The following IL1RAPL1 variants were observed in gnomAD, a reference collection of about 807,000 sequenced individuals.
IL1RAPL1 encodes the protein interleukin 1 receptor accessory protein like 1, also known as interleukin-1 receptor accessory protein-like 1.
In IL1RAPL1, 3 loss-of-function variants were observed where a neutral mutation model predicts 48.4. The observed-to-expected ratio is 0.06, with a 90% CI of 0.03 to 0.16. The LOEUF is 0.16. Ranked by LOEUF, IL1RAPL1 falls within the 10% of genes least tolerant of loss-of-function variation. The probability of loss-of-function intolerance (pLI) is 1.00; values close to 1 mark genes in which losing one functional copy is unlikely to be tolerated. For synonymous variants in IL1RAPL1, 185 were observed against 187.7 expected (o/e 0.99, Z 0.12); for missense variants, 349 against 530.6 (o/e 0.66, Z 3.36).
intron 2 of IL1RAPL1, among the ~76,000 whole-genome samples, chrX:29,081,699 G>C (rs1927847511): frequency 9.0e-6 from 1 of 111,527 alleles, no homozygotes; most frequent in Non-Finnish European, 1.9e-5. Flanking sequence ...CTGTTTCAGA[G>C]AATGTACAAG....
chrX:28,776,573 T>C (rs886893758), intron 1 of IL1RAPL1, among the ~76,000 whole-genome samples: 1 of 111,994 alleles, frequency 8.9e-6, no homozygotes, highest in African/African-American at 3.2e-5. Context: ...AGGTTGAACA[T>C]TGGATATAGA....
intron 6 of IL1RAPL1, among the ~76,000 whole-genome samples, chrX:29,746,883 C>T (rs772054142): frequency 6.2e-5 from 7 of 112,566 alleles, no homozygotes; most frequent in Non-Finnish European, 1.1e-4. Flanking sequence ...GCTGGAATTA[C>T]AGGCGTGATC....
At chrX:28,925,164 T>C (rs185874478) in intron 2 of IL1RAPL1, among the ~76,000 whole-genome samples, 10 of 112,174 alleles carry the variant, frequency 8.9e-5, no homozygotes, top group African/African-American at 3.2e-4. Flanking sequence ...TTAAGTGTTA[T>C]GGAGTTTTAA....
intron 5 of IL1RAPL1, among the ~76,000 whole-genome samples, chrX:29,496,772 G>T (rs973498871): frequency 9.0e-6 from 1 of 111,356 alleles, no homozygotes; most frequent in Non-Finnish European, 1.9e-5. Context: ...CTTTTATTGG[G>T]AAAATGCTAA....
intron 6 of IL1RAPL1, among the ~76,000 whole-genome samples, chrX:29,766,327 C>CAAAAA (rs1220003136): frequency 1.5e-3 from 39 of 25,613 alleles, no homozygotes; most frequent in African/African-American, 8.0e-3. Flanking sequence ...GACTCCGTCT[C>CAAAAA]AAAAAAAAAA....
At chrX:29,534,908 G>A (rs1921170554) in intron 5 of IL1RAPL1, among the ~76,000 whole-genome samples, 1 of 108,566 alleles carries the variant, frequency 9.2e-6, no homozygotes, top group African/African-American at 3.4e-5. Flanking sequence ...GGCGGAGCTT[G>A]CAGTGAGCCG....
intron 2 of IL1RAPL1, among the ~76,000 whole-genome samples, chrX:28,843,703 A>G (rs1254203028): frequency 1.8e-5 from 2 of 112,029 alleles, no homozygotes; most frequent in Non-Finnish European, 3.8e-5. Context: ...AATTGACTGT[A>G]AGAGTTGCTA....
intron 2 of IL1RAPL1, among the ~76,000 whole-genome samples, chrX:29,089,926 G>C (rs1250814804): frequency 9.6e-6 from 1 of 103,899 alleles, no homozygotes; most frequent in Non-Finnish European, 2.0e-5. Flanking sequence ...CAAATTGTAG[G>C]GCTTCATTTC....
chrX:29,578,158 A>G (rs1922837926), intron 5 of IL1RAPL1, among the ~76,000 whole-genome samples: 1 of 111,776 alleles, frequency 8.9e-6, no homozygotes, highest in South Asian at 3.8e-4. Flanking sequence ...GAAATGGTTG[A>G]CCCTTTGGGA....
At chrX:29,366,460 A>C (rs1933456612) in intron 3 of IL1RAPL1, among the ~76,000 whole-genome samples, 1 of 110,222 alleles carries the variant, frequency 9.1e-6, no homozygotes, top group African/African-American at 3.3e-5. Context: ...CACAGGGATG[A>C]TTCAAATAGC....
chrX:29,108,051 A>G (rs929935779), intron 2 of IL1RAPL1, among the ~76,000 whole-genome samples: 2 of 111,939 alleles, frequency 1.8e-5, no homozygotes, highest in African/African-American at 6.5e-5. Flanking sequence ...AATAAACAGA[A>G]TGTTACCAGG....
At chrX:29,419,056 A>C (rs1355081763) in intron 5 of IL1RAPL1, among the ~76,000 whole-genome samples, 1 of 111,927 alleles carries the variant, frequency 8.9e-6, no homozygotes, top group East Asian at 2.8e-4. Flanking sequence ...GTTGTTTATG[A>C]TGAAGTTAAG....
At chrX:29,413,527 C>T (rs1330456596) in intron 5 of IL1RAPL1, among the ~76,000 whole-genome samples, 3 of 95,263 alleles carry the variant, frequency 3.1e-5, no homozygotes, top group Non-Finnish European at 6.3e-5. Flanking sequence ...ACAACAGGCC[C>T]CGGTGTGTGA....
intron 1 of IL1RAPL1, among the ~76,000 whole-genome samples, chrX:28,697,118 G>A (rs1450673124): frequency 9.0e-6 from 1 of 111,245 alleles, no homozygotes; most frequent in African/African-American, 3.3e-5. Context: ...TTTGCCTAAT[G>A]ACTTGTACAT....
chrX:29,033,734 A>T (rs376059708), intron 2 of IL1RAPL1, among the ~76,000 whole-genome samples: 3 of 111,261 alleles, frequency 2.7e-5, no homozygotes, highest in East Asian at 5.6e-4. Context: ...TATTAGCAGG[A>T]TTGTAAAACA....
intron 2 of IL1RAPL1, among the ~76,000 whole-genome samples, chrX:28,984,804 G>A (rs184138251): frequency 6.8e-4 from 76 of 111,646 alleles, no homozygotes; most frequent in Non-Finnish European, 6.4e-4. Context: ...CTAAATTGGG[G>A]GCTATATATT....
At chrX:28,665,932 T>C (rs1454327230) in intron 1 of IL1RAPL1, among the ~76,000 whole-genome samples, 1 of 112,148 alleles carries the variant, frequency 8.9e-6, no homozygotes, top group Admixed American at 9.4e-5. Context: ...AGAGTGGGTG[T>C]CAGCTATGGA....
At chrX:28,634,361 G>GTA (rs1934437417) in intron 1 of IL1RAPL1, among the ~76,000 whole-genome samples, 1 of 108,464 alleles carries the variant, frequency 9.2e-6, no homozygotes, top group East Asian at 2.9e-4. Flanking sequence ...GTATATATGT[G>GTA]TATATATACA....
chrX:28,850,833 G>GTTT (rs368433174), intron 2 of IL1RAPL1, among the ~76,000 whole-genome samples: 4,043 of 86,880 alleles, frequency 0.047, 241 homozygotes, highest in East Asian at 0.22. Flanking sequence ...TACCCCTATG[G>GTTT]TTTTTTTTTT....
Sources: allele counts gnomAD v4.1 joint callset (sites outside exome capture counted in the v4.1 genomes callset), GRCh38; gene constraint gnomAD v4.1.1; transcripts MANE v1.5; gene names NCBI Gene and HGNC (gene_info 2026-07-23, HGNC 2026-07-21).